Variants in ADAM10 observed in about 807,000 individuals in gnomAD.
ADAM10 encodes the protein disintegrin and metalloproteinase domain-containing protein 10.
A neutral mutation model predicts 90.1 loss-of-function variants in ADAM10; 17 were observed. That is an observed-to-expected ratio of 0.19 (90% CI 0.13 to 0.28). The LOEUF (loss-of-function observed/expected upper bound fraction) is 0.28. ADAM10 is among the 10% of genes least tolerant of loss of function. The pLI is 1.00. For synonymous variants in ADAM10, 310 were observed against 298.6 expected (o/e 1.04, Z -0.40); for missense variants, 610 against 914.3 (o/e 0.67, Z 4.29).
intron 1 of ADAM10, among the ~76,000 whole-genome samples, chr15:58,729,745 C>T (rs1285867815): frequency 2.0e-5 from 3 of 152,176 alleles, no homozygotes; most frequent in African/African-American, 7.2e-5. Context: ...AGGCGGATCA[C>T]TTGAGGTCAG....
chr15:58,621,489 T>A lies in ADAM10; in HGVS notation c.1493A>T (p.Lys498Ile), dbSNP rs138193305. The A allele has an allele frequency of 3.1e-6, 5 of 1,614,030 alleles. No individual in the cohort carries two copies. ...AAGGTACCTGCACTGTTTCCCAGGT[T>A]TCAGTTTGCATTTTCTTCCCTCTGG... ...NQPEGRKCKL[K>I]PGKQCSPSQG... is the part of the protein sequence containing the mutation. Residue 498 changes from lysine (K) to isoleucine (I), a missense_variant, in exon 11 of 16, where the codon AAA becomes ATA. Transcript: ENST00000260408.
intron 5 of ADAM10, among the ~76,000 whole-genome samples, chr15:58,661,305 G>A (rs1896961398): frequency 6.6e-6 from 1 of 152,046 alleles, no homozygotes; most frequent in African/African-American, 2.4e-5. Flanking sequence ...TTTTCTGCCT[G>A]AAGAACTTCC....
At chr15:58,663,380 C>G (rs1414730692) in intron 5 of ADAM10, among the ~76,000 whole-genome samples, 8 of 152,168 alleles carry the variant, frequency 5.3e-5, no homozygotes, top group African/African-American at 1.9e-4. Context: ...TTCATATACG[C>G]ATGGGTCTTT....
intron 1 of ADAM10, among the ~76,000 whole-genome samples, chr15:58,745,221 A>T (rs924190068): frequency 1.4e-4 from 22 of 152,184 alleles, no homozygotes; most frequent in African/African-American, 5.1e-4. Flanking sequence ...TGTTATATGG[A>T]CATCATCTCA....
chr15:58,710,151 C>T (rs544938420), intron 2 of ADAM10, among the ~76,000 whole-genome samples: 6 of 152,130 alleles, frequency 3.9e-5, no homozygotes, highest in African/African-American at 9.6e-5. Flanking sequence ...TGGTGGTGCA[C>T]GCCTATAGTC....
At chr15:58,603,610 G>A (rs1201481090) in intron 14 of ADAM10, among the ~76,000 whole-genome samples, 3 of 151,948 alleles carry the variant, frequency 2.0e-5, no homozygotes, top group African/African-American at 4.8e-5. Context: ...ATGGCCATCA[G>A]TGTTATGGCT....
chr15:58,693,964 C>CATA (rs1391350690), intron 2 of ADAM10, among the ~76,000 whole-genome samples: 4 of 152,266 alleles, frequency 2.6e-5, no homozygotes, highest in African/African-American at 7.2e-5. Context: ...TGGAAACCTA[C>CATA]ATAACATCAT....
At chr15:58,713,395 C>T (rs1054680971) in intron 2 of ADAM10, among the ~76,000 whole-genome samples, 3 of 152,146 alleles carry the variant, frequency 2.0e-5, no homozygotes, top group Non-Finnish European at 2.9e-5. Flanking sequence ...CATGAGCCAC[C>T]ATGTCCAGCA....
chr15:58,682,150 G>C (rs1218469749), intron 3 of ADAM10, 46 bp downstream of exon 3: 1 of 890,984 alleles, frequency 1.1e-6, no homozygotes, highest in Non-Finnish European at 1.6e-6. Flanking sequence ...TCTTTGTGTA[G>C]AAAAAAAAAA....
rs374294113 is a variant in ADAM10 at position 58,627,894 on chromosome 15, G to A, written c.1177-11C>T. 3.1e-6 allele frequency: 5 copies of A among 1,612,484 alleles called. No homozygotes were observed. The highest frequency in any genetic ancestry group is 8.5e-7 in the Non-Finnish European group (1 of 1,179,418). On this transcript the variant is annotated splice_polypyrimidine_tract_variant and intron_variant, in intron 9 of 15. Coordinates refer to ENST00000260408, the MANE Select transcript of ADAM10 (RefSeq NM_001110.4). ...TGTTCCAGAATCATGCTGTCAAAAA[G>A]AATATAAAGTTACATAAACAGGAAG...
At chr15:58,675,289 C>T (rs1177447737) in intron 4 of ADAM10, among the ~76,000 whole-genome samples, 3 of 152,064 alleles carry the variant, frequency 2.0e-5, no homozygotes, top group Non-Finnish European at 4.4e-5. Context: ...TTCTGCAGCT[C>T]TTCATATACA....
chr15:58,671,053 C>T (rs988644984), intron 4 of ADAM10, among the ~76,000 whole-genome samples: 1 of 152,090 alleles, frequency 6.6e-6, no homozygotes, highest in African/African-American at 2.4e-5. Context: ...ATATGCCATG[C>T]CTCAGTTCTT....
At chr15:58,601,319 A>T (rs1895102513) in intron 14 of ADAM10, among the ~76,000 whole-genome samples, 1 of 151,918 alleles carries the variant, frequency 6.6e-6, no homozygotes, top group Non-Finnish European at 1.5e-5. Context: ...AAAATTAGCC[A>T]GGAATGATGG....
chr15:58,625,276 C>T (rs1350193213), intron 10 of ADAM10, among the ~76,000 whole-genome samples: 1 of 152,064 alleles, frequency 6.6e-6, no homozygotes, highest in African/African-American at 2.4e-5. Flanking sequence ...AGTATCTAGA[C>T]TATATAAAGA....
chr15:58,663,680 T>C (rs1199901903), intron 5 of ADAM10, among the ~76,000 whole-genome samples: 1 of 152,134 alleles, frequency 6.6e-6, no homozygotes, highest in East Asian at 1.9e-4. Context: ...TTATTTCCCA[T>C]TAATATGGTA....
At chr15:58,635,856 T>C (rs1383717079) in intron 8 of ADAM10, among the ~76,000 whole-genome samples, 2 of 152,132 alleles carry the variant, frequency 1.3e-5, no homozygotes, top group African/African-American at 4.8e-5. Flanking sequence ...TCTGCACTTT[T>C]AGGGTCTGGC....
intron 5 of ADAM10, among the ~76,000 whole-genome samples, chr15:58,655,711 G>GTGTGTGTA (rs1212041296): frequency 3.7e-5 from 2 of 53,734 alleles, no homozygotes; most frequent in Non-Finnish European, 3.2e-5. Flanking sequence ...TATATATATA[G>GTGTGTGTA]TATATATATA....
At chr15:58,687,405 T>C (rs1444289119) in intron 2 of ADAM10, among the ~76,000 whole-genome samples, 1 of 152,198 alleles carries the variant, frequency 6.6e-6, no homozygotes, top group Non-Finnish European at 1.5e-5. Context: ...ACATTGTAAA[T>C]GATTAAAAAC....
intron 5 of ADAM10, among the ~76,000 whole-genome samples, chr15:58,648,366 G>T (rs1426930214): frequency 6.6e-6 from 1 of 152,070 alleles, no homozygotes; most frequent in Non-Finnish European, 1.5e-5. Context: ...CAAACATTGA[G>T]AAGTATTTCA....
Sources: gnomAD v4.1 joint callset for allele counts (sites outside exome capture counted in the v4.1 genomes callset) on GRCh38, gnomAD v4.1.1 for gene constraint, MANE v1.5 for transcripts, NCBI Gene and HGNC (gene_info 2026-07-23, HGNC 2026-07-21) for gene names.